SDK2: variants seen among roughly 807,000 people sequenced by gnomAD.
The protein encoded by SDK2 is sidekick cell adhesion molecule 2, also known as protein sidekick-2.
SDK2 carries 105 observed loss-of-function variants against 253.9 expected under a neutral mutation model. That is an observed-to-expected ratio of 0.41 (90% CI 0.35 to 0.49). The LOEUF (loss-of-function observed/expected upper bound fraction) is 0.49. SDK2 is among the 20% of genes least tolerant of loss of function. The probability of loss-of-function intolerance (pLI) is 0.06; values close to 1 mark genes in which losing one functional copy is unlikely to be tolerated. For synonymous variants in SDK2, 1,249 were observed against 1,234.9 expected (o/e 1.01, Z -0.24); for missense variants, 2,608 against 3,003.0 (o/e 0.87, Z 3.07).
Position 73,435,378 on chromosome 17 carries a change from G to C in SDK2, c.1195+72C>G. On this transcript the variant is annotated intron_variant, in intron 9 of 44. Transcript: ENST00000392650. The surrounding 1 kb of genome is among the most constrained non-coding windows in gnomAD (Gnocchi z 5.7). ...ACGTGCTATGCACAAGAGGCCCCTC[G>C]GAAGACCTTGGAAGAAAGCTGCGTC... 2 of 1,427,170 alleles carry C rather than the reference G, an allele frequency of 1.4e-6. No individual in the cohort carries two copies. Among genetic ancestry groups the C allele is most frequent in the South Asian group, 2.8e-5 (2 of 72,044 alleles). The allele number at this position is 1,427,170 out of a possible 1,614,324, so 88.4% of individuals were successfully genotyped here. A position where few individuals can be genotyped will look rare whatever the true frequency, so the allele number is the denominator to read the frequency against.
chr17:73,613,342 C>T (rs181834011), intron 1 of SDK2, among the ~76,000 whole-genome samples: 3 of 151,618 alleles, frequency 2.0e-5, no homozygotes, highest in Admixed American at 2.0e-4. Context: ...CTCGCTCCCT[C>T]CCCCTCTGCT....
chr17:73,545,095 G>GCATGCACACACACACACACACACACA (rs1222193318), intron 1 of SDK2, among the ~76,000 whole-genome samples: 2 of 75,312 alleles, frequency 2.7e-5, no homozygotes, highest in Admixed American at 1.1e-4. Context: ...GCGTGCACGT[G>GCATGCACACACACACACACACACACA]CACGCACACA....
chr17:73,499,285 C>T lies in SDK2; in HGVS notation c.224+8153G>A, dbSNP rs143596200. Among the ~76,000 whole-genome samples, 13 of 152,342 alleles carry T rather than the reference C, an allele frequency of 8.5e-5. No individual in the cohort carries two copies. In the East Asian group the frequency reaches 2.1e-3, roughly 25 times the overall value. On this transcript the variant is annotated intron_variant, in intron 2 of 44. Coordinates refer to ENST00000392650, the MANE Select transcript of SDK2 (RefSeq NM_001144952.2). ...CTGCTTTTGTGTCCCTTGCTGGGGCCGTCACATGTGCAGGGCTTCTCTGCC... is the reference window on the plus strand; with the variant it reads ...CTGCTTTTGTGTCCCTTGCTGGGGCTGTCACATGTGCAGGGCTTCTCTGCC...
Position 73,338,119 on chromosome 17 carries a change from G to A in SDK2, c.*468C>T, listed in dbSNP as rs907487005. 9 of 260,526 alleles carry A rather than the reference G, an allele frequency of 3.5e-5. No individual in the cohort carries two copies. The highest frequency in any genetic ancestry group is 6.9e-5 in the African/African-American group (3 of 43,398). 16.1% of individuals were successfully genotyped at this position (260,526 alleles called of 1,614,324 possible). On this transcript the variant is annotated 3_prime_UTR_variant, in exon 45 of 45. Coordinates refer to ENST00000392650, the MANE Select transcript of SDK2 (RefSeq NM_001144952.2). This position sits in a 1 kb window ranked among gnomAD's most constrained non-coding sequence, Gnocchi z 5.0. ...GAGAGAGAAGATAGGCGTGGCCTCCGGGATGCCCATTCTTTTTGCAGAGAG... is the reference window on the plus strand; with the variant it reads ...GAGAGAGAAGATAGGCGTGGCCTCCAGGATGCCCATTCTTTTTGCAGAGAG...
chr17:73,584,712 C>T (rs2045581693), intron 1 of SDK2, among the ~76,000 whole-genome samples: 1 of 152,200 alleles, frequency 6.6e-6, no homozygotes, highest in Non-Finnish European at 1.5e-5. Context: ...ACTTCTGAGC[C>T]TGAGTTTCCT....
chr17:73,567,240 G>A (rs2045325576), intron 1 of SDK2, among the ~76,000 whole-genome samples: 1 of 152,230 alleles, frequency 6.6e-6, no homozygotes, highest in African/African-American at 2.4e-5. Context: ...TACCATTCAG[G>A]GCTCCACTTC....
chr17:73,484,795 T>A (rs2063759932), intron 2 of SDK2, among the ~76,000 whole-genome samples: 1 of 152,226 alleles, frequency 6.6e-6, no homozygotes, highest in Non-Finnish European at 1.5e-5. Flanking sequence ...TTTGGTGTTC[T>A]CTTCTCTGGG....
Position 73,424,061 on chromosome 17 carries a change from C to T in SDK2, c.1615G>A (p.Gly539Ser), listed in dbSNP as rs2063258568. 6.2e-7 allele frequency: 1 copy of T among 1,612,788 alleles called. No individual in the cohort carries two copies. Among genetic ancestry groups the T allele is most frequent in the Non-Finnish European group, 8.5e-7 (1 of 1,179,686 alleles). The change falls in exon 13 of 45, where the codon GGC becomes AGC. Residue 539 changes from glycine (G) to serine (S), a missense_variant. Coordinates refer to ENST00000392650, the MANE Select transcript of SDK2 (RefSeq NM_001144952.2). ...CGGATACGAGGATGGCTCTCCGTGC[C>T]CAGGGTGGCCCCGTCCTTCTCCCAG... ...YIWEKDGATL[G>S]TESHPRIRLD...
intron 5 of SDK2, among the ~76,000 whole-genome samples, chr17:73,444,284 C>T (rs527686006): frequency 2.0e-5 from 3 of 152,296 alleles, no homozygotes; most frequent in East Asian, 3.9e-4. Flanking sequence ...CCCTGGGAGA[C>T]AGCGGGAGTT....
rs1394311023 is a variant in SDK2, at chr17:73,435,506, C to A, written c.1139G>T (p.Cys380Phe). 6.2e-7 allele frequency: 1 copy of A among 1,601,696 alleles called. No individual in the cohort carries two copies. The highest frequency in any genetic ancestry group is 8.5e-7 in the Non-Finnish European group (1 of 1,174,536). Reference sequence around the variant, plus strand: ...CTCGCCGGCTGCATTGCGGGCGAAGCACTGGAACATGCCGGTATCATCGGG... The same window carrying A: ...CTCGCCGGCTGCATTGCGGGCGAAGAACTGGAACATGCCGGTATCATCGGG... ...LVPDDTGMFQ[C>F]FARNAAGEVQ... Residue 380 changes from cysteine (C) to phenylalanine (F), a missense_variant, in exon 9 of 45, where the codon TGC becomes TTC. Transcript: ENST00000392650. The surrounding 1 kb of genome is among the most constrained non-coding windows in gnomAD (Gnocchi z 5.7).
chr17:73,514,270 G>A (rs765989247), intron 1 of SDK2, among the ~76,000 whole-genome samples: 28 of 152,142 alleles, frequency 1.8e-4, no homozygotes, highest in Non-Finnish European at 3.7e-4. Flanking sequence ...AGAGGCCTCA[G>A]CCCGGGGCTT....
chr17:73,382,655 C>T (rs750704521), intron 33 of SDK2, among the ~76,000 whole-genome samples: 4 of 152,246 alleles, frequency 2.6e-5, no homozygotes, highest in Non-Finnish European at 4.4e-5. Context: ...CCTAACTGTC[C>T]GCCAATGCGG....
At chr17:73,627,356 CT>C (rs2046215307) in intron 1 of SDK2, among the ~76,000 whole-genome samples, 1 of 151,832 alleles carries the variant, frequency 6.6e-6, no homozygotes, top group Admixed American at 6.6e-5. Context: ...ATTGATGTGT[CT>C]TAGGTTCAGT....
chr17:73,587,819 G>A (rs965186084), intron 1 of SDK2, among the ~76,000 whole-genome samples: 2 of 152,164 alleles, frequency 1.3e-5, no homozygotes, highest in African/African-American at 4.8e-5. Context: ...TGCTTTTAAA[G>A]TCTTCTCATT....
chr17:73,469,965 G>A (rs908359494), intron 3 of SDK2, among the ~76,000 whole-genome samples: 4 of 148,348 alleles, frequency 2.7e-5, no homozygotes, highest in Non-Finnish European at 4.4e-5. Flanking sequence ...ATGGCATCCT[G>A]AATGGCATTT....
chr17:73,532,125 A>C (rs2145804848), intron 1 of SDK2, among the ~76,000 whole-genome samples: 1 of 152,268 alleles, frequency 6.6e-6, no homozygotes, highest in African/African-American at 2.4e-5. Flanking sequence ...GGTCGTCACA[A>C]CTGGAGGGAG....
chr17:73,384,924 C>A (rs1038050690), intron 32 of SDK2, among the ~76,000 whole-genome samples: 3 of 152,232 alleles, frequency 2.0e-5, no homozygotes, highest in Non-Finnish European at 2.9e-5. Context: ...CTCCCTGCCC[C>A]CTCCCTCTGC....
At chr17:73,394,465 C>A in intron 25 of SDK2, 141 bp from the exon 26 acceptor site, 1 of 483,798 alleles carries the variant, frequency 2.1e-6, no homozygotes, top group Non-Finnish European at 3.6e-6. Context: ...ACATGGTCCC[C>A]AAACTGCAAA....
intron 36 of SDK2, among the ~76,000 whole-genome samples, chr17:73,374,509 C>T (rs1419252185): frequency 7.0e-6 from 1 of 142,922 alleles, no homozygotes; most frequent in African/African-American, 2.8e-5. Flanking sequence ...GCTCTGTTGC[C>T]CAGGCTGGAG....
Sources: gnomAD v4.1 joint callset for allele counts (sites outside exome capture counted in the v4.1 genomes callset) on GRCh38, gnomAD v4.1.1 for gene constraint, Gnocchi (gnomAD v3.1) non-coding constraint, MANE v1.5 for transcripts, NCBI Gene and HGNC (gene_info 2026-07-23, HGNC 2026-07-21) for gene names.